Variants in SLC25A13 observed in about 807,000 individuals in gnomAD.
SLC25A13 encodes electrogenic aspartate/glutamate antiporter SLC25A13, mitochondrial.
In SLC25A13, 70 loss-of-function variants were observed where a neutral mutation model predicts 85.5. The observed-to-expected ratio is 0.82, with a 90% CI of 0.68 to 1.00. SLC25A13 has a LOEUF of 1.00. Among genes scored for constraint, SLC25A13 ranks in the 50% least tolerant of loss-of-function variants. SLC25A13 has a pLI of 0.00. For missense variants in SLC25A13, 765 were observed against 819.8 expected (o/e 0.93, Z 0.82); for synonymous variants, 259 against 288.7 (o/e 0.90, Z 1.04).
intron 13 of SLC25A13, among the ~76,000 whole-genome samples, chr7:96,148,263 C>A (rs1692625674): frequency 6.6e-6 from 1 of 152,128 alleles, no homozygotes; most frequent in South Asian, 2.1e-4. Flanking sequence ...GATGATACAC[C>A]CACAGGCTGG....
chr7:96,275,538 T>C (rs908144269), intron 3 of SLC25A13, among the ~76,000 whole-genome samples: 1 of 152,202 alleles, frequency 6.6e-6, no homozygotes, highest in Admixed American at 6.5e-5. Context: ...ATATACACCA[T>C]GGAATACTAT....
At chr7:96,201,073 T>C (rs953453135) in intron 5 of SLC25A13, among the ~76,000 whole-genome samples, 1 of 152,182 alleles carries the variant, frequency 6.6e-6, no homozygotes, top group Admixed American at 6.5e-5. Flanking sequence ...TACTCACTAG[T>C]TCATTTGAGA....
At chr7:96,310,344 T>A (rs1799905090) in intron 1 of SLC25A13, among the ~76,000 whole-genome samples, 1 of 152,206 alleles carries the variant, frequency 6.6e-6, no homozygotes, top group Admixed American at 6.5e-5. Context: ...TTGCAGCATG[T>A]CCTACTTTCT....
chr7:96,245,271 T>C (rs932603286), intron 3 of SLC25A13, among the ~76,000 whole-genome samples: 1 of 152,212 alleles, frequency 6.6e-6, no homozygotes, highest in Non-Finnish European at 1.5e-5. Flanking sequence ...CCCCATTTAT[T>C]CTTTCCCTCC....
chr7:96,207,872 C>T (rs1252989782), intron 5 of SLC25A13, among the ~76,000 whole-genome samples: 1 of 152,122 alleles, frequency 6.6e-6, no homozygotes, highest in Non-Finnish European at 1.5e-5. Flanking sequence ...ACAACTGCTA[C>T]AGCGGTTAAC....
intron 15 of SLC25A13, among the ~76,000 whole-genome samples, chr7:96,127,728 A>G (rs1254348803): frequency 6.6e-6 from 1 of 152,252 alleles, no homozygotes; most frequent in Non-Finnish European, 1.5e-5. Context: ...ACATATAAAA[A>G]TAGCCATGAG....
At chr7:96,274,781 C>A (rs924476361) in intron 3 of SLC25A13, among the ~76,000 whole-genome samples, 1 of 152,206 alleles carries the variant, frequency 6.6e-6, no homozygotes, top group Non-Finnish European at 1.5e-5. Flanking sequence ...TTCGCCATTT[C>A]TTGTTTTTGT....
At chr7:96,232,724 CTTTG>C (rs1796596961) in intron 4 of SLC25A13, among the ~76,000 whole-genome samples, 1 of 150,102 alleles carries the variant, frequency 6.7e-6, no homozygotes, top group Non-Finnish European at 1.5e-5. Flanking sequence ...GTATAAAGGC[CTTTG>C]TTTTTCAGAC....
At chr7:96,272,345 G>A (rs745855394) in intron 3 of SLC25A13, among the ~76,000 whole-genome samples, 5 of 152,034 alleles carry the variant, frequency 3.3e-5, no homozygotes, top group Non-Finnish European at 5.9e-5. Context: ...GAAAAATCCT[G>A]TAATGTTAAA....
rs186863471 is a variant in SLC25A13 at position 96,131,830 on chromosome 7, G to C, written c.1504C>G (p.Pro502Ala). 1.3e-5 allele frequency: 21 copies of C among 1,614,082 alleles called. No individual in the cohort carries two copies. Among genetic ancestry groups the C allele is most frequent in the East Asian group, 2.2e-5 (1 of 44,872 alleles). Reference sequence around the variant, plus strand: ...GAAGCCTTCACATGAGCATAGCACGGAAAGTAGATGGCCGAGAAAGGAATG... The same window carrying C: ...GAAGCCTTCACATGAGCATAGCACGCAAAGTAGATGGCCGAGAAAGGAATG... ...RDIPFSAIYF[P>A]CYAHVKASFA... The change falls in exon 15 of 18, where the codon CCG becomes GCG. Residue 502 changes from proline to alanine, a missense_variant. Physicochemically the swap from Pro to Ala is conservative, Grantham distance 27 (BLOSUM62 -1). Coordinates refer to ENST00000265631, the MANE Select transcript of SLC25A13 (RefSeq NM_014251.3).
chr7:96,275,675 G>A (rs1000295503), intron 3 of SLC25A13, among the ~76,000 whole-genome samples: 4 of 151,488 alleles, frequency 2.6e-5, no homozygotes, highest in African/African-American at 9.7e-5. Flanking sequence ...TCATAGATGG[G>A]AATTGAACAA....
intron 5 of SLC25A13, among the ~76,000 whole-genome samples, chr7:96,196,951 A>C (rs573306513): frequency 1.3e-5 from 2 of 152,316 alleles, no homozygotes; most frequent in South Asian, 4.1e-4. Context: ...GCTGTAAAGC[A>C]TTTTACAGGA....
At chr7:96,318,025 T>C (rs930382405) in intron 1 of SLC25A13, among the ~76,000 whole-genome samples, 2 of 152,076 alleles carry the variant, frequency 1.3e-5, no homozygotes, top group Non-Finnish European at 2.9e-5. Flanking sequence ...AAGAACACAA[T>C]ACACATAAAT....
chr7:96,295,666 C>CA lies in SLC25A13; in HGVS notation c.69+1231dup, dbSNP rs964504629. ...TCCATGTTCAAAGTCCTTGATGTCT[C>CA]AATTAGTTTTAATAGTAACACATTG... On this transcript the variant is annotated intron_variant, in intron 2 of 17. Coordinates refer to ENST00000265631, the MANE Select transcript of SLC25A13 (RefSeq NM_014251.3). 2.6e-5 allele frequency among the ~76,000 whole-genome samples: 4 copies of CA among 152,158 alleles called. No individual in the cohort carries two copies. In the East Asian group the frequency reaches 7.7e-4, roughly 29 times the overall value.
At chr7:96,319,330 C>T (rs1388344201) in intron 1 of SLC25A13, among the ~76,000 whole-genome samples, 2 of 152,014 alleles carry the variant, frequency 1.3e-5, no homozygotes, top group African/African-American at 4.8e-5. Flanking sequence ...AGGCAGATCA[C>T]GAGGTCAAGA....
chr7:96,256,911 T>C (rs549670575), intron 3 of SLC25A13, among the ~76,000 whole-genome samples: 46 of 152,284 alleles, frequency 3.0e-4, no homozygotes, highest in African/African-American at 1.1e-3. Flanking sequence ...ATCAAGAAAT[T>C]CACTCAAAAC....
intron 1 of SLC25A13, 110 bp from the exon 2 acceptor site, chr7:96,297,061 G>C: frequency 2.0e-6 from 2 of 987,104 alleles, no homozygotes. Context: ...TTTCATTTTT[G>C]TACTTAAATA....
intron 13 of SLC25A13, among the ~76,000 whole-genome samples, chr7:96,157,846 T>C (rs945740103): frequency 1.3e-5 from 2 of 151,998 alleles, no homozygotes; most frequent in Admixed American, 6.6e-5. Context: ...TTTTAAGAAA[T>C]CAAATATTTT....
At position 96,227,655 on chromosome 7, in the gene SLC25A13, A is replaced by G. The variant is rs541303043; in HGVS notation, c.328+7147T>C. ...GATAGTAGTACCACTGCAGTGCAAT[A>G]AAGAAAAGAACCATCTTTTTAATAA... On this transcript the variant is annotated intron_variant, in intron 4 of 17. Coordinates refer to ENST00000265631, the MANE Select transcript of SLC25A13 (RefSeq NM_014251.3). Among the ~76,000 whole-genome samples, 96 of 152,072 alleles carry G rather than the reference A, an allele frequency of 6.3e-4. No homozygotes were observed. The South Asian group carries it at 0.019, about 30-fold the overall frequency.
Sources: allele counts gnomAD v4.1 joint callset (sites outside exome capture counted in the v4.1 genomes callset), GRCh38; gene constraint gnomAD v4.1.1; transcripts MANE v1.5; gene names NCBI Gene and HGNC (gene_info 2026-07-23, HGNC 2026-07-21).